MBD5: variants seen among roughly 807,000 people sequenced by gnomAD.
The protein encoded by MBD5 is methyl-CpG binding domain protein 5, also known as methyl-CpG-binding domain protein 5.
MBD5 carries 13 observed loss-of-function variants against 117.3 expected under a neutral mutation model. The observed-to-expected ratio is 0.11, with a 90% confidence interval of 0.07 to 0.18. MBD5 has a LOEUF of 0.18. Ranked by LOEUF, MBD5 falls within the 10% of genes least tolerant of loss-of-function variation. The pLI, the probability that MBD5 is intolerant of heterozygous loss-of-function variation, is 1.00. For missense variants in MBD5, 1,879 were observed against 2,093.8 expected (o/e 0.90, Z 2.00); for synonymous variants, 727 against 766.4 (o/e 0.95, Z 0.85).
chr2:148,318,607 T>C (rs775981049), intron 3 of MBD5, among the ~76,000 whole-genome samples: 1 of 152,212 alleles, frequency 6.6e-6, no homozygotes, highest in Non-Finnish European at 1.5e-5. Flanking sequence ...CATTTAGATA[T>C]TTAATCCATC....
chr2:148,094,617 A>T (rs139114196), intron 1 of MBD5, among the ~76,000 whole-genome samples: 1 of 152,306 alleles, frequency 6.6e-6, no homozygotes, highest in African/African-American at 2.4e-5. Flanking sequence ...CAAAAAATGA[A>T]TGAAGCCAGG....
chr2:148,364,761 G>A (rs538935650), intron 4 of MBD5, among the ~76,000 whole-genome samples: 1 of 152,268 alleles, frequency 6.6e-6, no homozygotes, highest in Non-Finnish European at 1.5e-5. Flanking sequence ...TTACATAATG[G>A]TAAAGGGATC....
At chr2:148,412,469 A>C (rs1164869190) in intron 4 of MBD5, among the ~76,000 whole-genome samples, 1 of 151,856 alleles carries the variant, frequency 6.6e-6, no homozygotes, top group Middle Eastern at 3.2e-3. Context: ...ATGAATTTTA[A>C]AATAGTCTTT....
chr2:148,140,508 G>A (rs1476126537), intron 1 of MBD5, among the ~76,000 whole-genome samples: 1 of 152,092 alleles, frequency 6.6e-6, no homozygotes, highest in Non-Finnish European at 1.5e-5. Context: ...ATCTCTTGAG[G>A]AAATTACTCA....
chr2:148,458,915 C>T, intron 5 of MBD5, 44 bp downstream of exon 5: 1 of 1,482,690 alleles, frequency 6.7e-7, no homozygotes, highest in Middle Eastern at 1.7e-4. Flanking sequence ...AGTTGTACTC[C>T]AAAGACTAAG....
intron 1 of MBD5, among the ~76,000 whole-genome samples, chr2:148,103,540 T>C (rs568806498): frequency 2.0e-5 from 3 of 152,166 alleles, no homozygotes; most frequent in Non-Finnish European, 2.9e-5. Flanking sequence ...TTGCGATACA[T>C]GCTACATGCT....
chr2:148,150,646 AG>A (rs1697632114), intron 1 of MBD5, among the ~76,000 whole-genome samples: 2 of 151,682 alleles, frequency 1.3e-5, no homozygotes, highest in African/African-American at 4.8e-5. Context: ...CTCCTTGAAG[AG>A]GTCCTTCACA....
intron 11 of MBD5, among the ~76,000 whole-genome samples, chr2:148,496,528 T>C (rs974578838): frequency 2.0e-4 from 31 of 152,232 alleles, no homozygotes; most frequent in African/African-American, 6.8e-4. Flanking sequence ...CTTGTTCATA[T>C]AATTTCAGAT....
chr2:148,154,217 C>G (rs1214051452), intron 1 of MBD5, among the ~76,000 whole-genome samples: 4 of 151,706 alleles, frequency 2.6e-5, no homozygotes, highest in African/African-American at 9.7e-5. Flanking sequence ...GTCAGTCTGC[C>G]CCTGCTGGGG....
chr2:148,052,787 AAT>A (rs1338304566), intron 1 of MBD5, among the ~76,000 whole-genome samples: 1 of 152,040 alleles, frequency 6.6e-6, no homozygotes, highest in Admixed American at 6.6e-5. Flanking sequence ...AACTTTAAAA[AAT>A]ATATCGGTGT....
At chr2:148,139,979 C>T (rs1024163250) in intron 1 of MBD5, among the ~76,000 whole-genome samples, 1 of 152,078 alleles carries the variant, frequency 6.6e-6, no homozygotes, top group Admixed American at 6.6e-5. Context: ...ATATTGTTGC[C>T]GTGAAAATGA....
chr2:148,261,424 A>C (rs1700730145), intron 3 of MBD5, among the ~76,000 whole-genome samples: 1 of 152,176 alleles, frequency 6.6e-6, no homozygotes. Flanking sequence ...TTCACTTCGC[A>C]CTTTTGTGGA....
intron 3 of MBD5, among the ~76,000 whole-genome samples, chr2:148,246,016 G>A (rs953053356): frequency 6.6e-6 from 1 of 152,144 alleles, no homozygotes; most frequent in Non-Finnish European, 1.5e-5. Context: ...TAGGATACAT[G>A]AGGTTTCATG....
At chr2:148,129,104 C>G (rs887960205) in intron 1 of MBD5, among the ~76,000 whole-genome samples, 5 of 152,050 alleles carry the variant, frequency 3.3e-5, no homozygotes, top group Non-Finnish European at 5.9e-5. Flanking sequence ...TTTCACACTC[C>G]CAGGAAATTA....
chr2:148,038,115 C>T (rs1044599984), intron 1 of MBD5, among the ~76,000 whole-genome samples: 1 of 151,908 alleles, frequency 6.6e-6, no homozygotes, highest in African/African-American at 2.4e-5. Context: ...TCCCCTGCCT[C>T]CTAGTGTAAT....
rs1207258162 is a variant in MBD5 at position 148,470,358 on chromosome 2, T to C, written c.2415T>C (p.Asn805=). ...GTCAGTCGGGCATGGCTTTAGGAAA[T>C]TCCTTACATCCCAATCCACCTCAGT... is the stretch of plus-strand genomic sequence containing the variant. ...MLSQSGMALG[N]SLHPNPPQSR... is the part of the protein sequence containing the mutation. The change falls in exon 8 of 14, where the codon AAT becomes AAC. Residue 805 remains asparagine, a synonymous_variant. Coordinates refer to ENST00000642680, the MANE Select transcript of MBD5 (RefSeq NM_001378120.1). 6.2e-7 allele frequency: 1 copy of C among 1,613,676 alleles called. No homozygotes were observed. Among genetic ancestry groups the C allele is most frequent in the Non-Finnish European group, 8.5e-7 (1 of 1,179,852 alleles).
At chr2:148,043,727 T>C (rs768648716) in intron 1 of MBD5, among the ~76,000 whole-genome samples, 11 of 152,176 alleles carry the variant, frequency 7.2e-5, no homozygotes, top group African/African-American at 2.4e-4. Context: ...AAGAAAGATA[T>C]TTGTGCTGGG....
intron 1 of MBD5, among the ~76,000 whole-genome samples, chr2:148,077,604 A>G (rs73964199): frequency 0.037 from 5,571 of 152,240 alleles, 336 homozygotes; most frequent in African/African-American, 0.13. Flanking sequence ...ATGTAAAAAC[A>G]ATATATAGTG....
intron 2 of MBD5, among the ~76,000 whole-genome samples, chr2:148,211,776 C>T (rs978288383): frequency 3.3e-5 from 5 of 152,210 alleles, no homozygotes; most frequent in South Asian, 2.1e-4. Flanking sequence ...ATCAGGATCT[C>T]GCTCTGTCAC....
Sources: gnomAD v4.1 joint callset for allele counts (sites outside exome capture counted in the v4.1 genomes callset) on GRCh38, gnomAD v4.1.1 for gene constraint, MANE v1.5 for transcripts, NCBI Gene and HGNC (gene_info 2026-07-23, HGNC 2026-07-21) for gene names.